Variants in PITPNC1 observed in about 807,000 individuals in gnomAD.
The protein encoded by PITPNC1 is phosphatidylinositol transfer protein cytoplasmic 1.
In PITPNC1, 18 loss-of-function variants were observed where a neutral mutation model predicts 44.7. That is an observed-to-expected ratio of 0.40 (90% CI 0.28 to 0.60). PITPNC1 has a LOEUF of 0.60. Among genes scored for constraint, PITPNC1 ranks in the 20% least tolerant of loss-of-function variants. The pLI is 0.39. For synonymous variants in PITPNC1, 141 were observed against 149.6 expected (o/e 0.94, Z 0.42); for missense variants, 290 against 418.4 (o/e 0.69, Z 2.68).
intron 1 of PITPNC1, among the ~76,000 whole-genome samples, chr17:67,528,531 T>G (rs927782692): frequency 2.6e-5 from 4 of 152,228 alleles, no homozygotes; most frequent in African/African-American, 4.8e-5. Context: ...CATACAAGTT[T>G]GTTTGGAGCT....
At chr17:67,552,716 A>ACTAAACC (rs931027123) in intron 3 of PITPNC1, among the ~76,000 whole-genome samples, 1 of 151,714 alleles carries the variant, frequency 6.6e-6, no homozygotes, top group African/African-American at 2.4e-5. Flanking sequence ...CCCCGTCTCT[A>ACTAAACC]CTAAAAATAC....
intron 5 of PITPNC1, among the ~76,000 whole-genome samples, chr17:67,595,967 A>T (rs541027226): frequency 1.1e-3 from 160 of 152,360 alleles, no homozygotes; most frequent in African/African-American, 3.7e-3. Context: ...GATGTTGAAA[A>T]GCATCAGCAA....
intron 1 of PITPNC1, among the ~76,000 whole-genome samples, chr17:67,385,303 C>T (rs1206748367): frequency 6.6e-6 from 1 of 152,092 alleles, no homozygotes; most frequent in Non-Finnish European, 1.5e-5. Flanking sequence ...CAGCACTCTG[C>T]AAAAACGCAC....
chr17:67,665,526 C>A (rs528999552), intron 6 of PITPNC1, among the ~76,000 whole-genome samples: 27 of 152,286 alleles, frequency 1.8e-4, no homozygotes, highest in African/African-American at 6.5e-4. Flanking sequence ...AAAGTGGCCA[C>A]ACTATTTATA....
chr17:67,520,532 T>TGC (rs2040311722), intron 1 of PITPNC1, among the ~76,000 whole-genome samples: 1 of 152,226 alleles, frequency 6.6e-6, no homozygotes, highest in Admixed American at 6.5e-5. Context: ...GTCTTCTGTC[T>TGC]TCAAGGCAGA....
chr17:67,664,472 G>GT lies in PITPNC1; in HGVS notation c.463-5030dup, dbSNP rs1366221366. On this transcript the variant is annotated intron_variant, in intron 6 of 8. Coordinates refer to ENST00000581322, the MANE Select transcript of PITPNC1 (RefSeq NM_012417.4). ...CTCCACGGCCTCACCAGCATCTATT[G>GT]TTTTTTGACTTTTTAATGATAGCCA... is the stretch of plus-strand genomic sequence containing the variant. Among the ~76,000 whole-genome samples, 17 of 152,126 alleles carry GT rather than the reference G, an allele frequency of 1.1e-4. No individual in the cohort carries two copies. In the East Asian group the frequency reaches 1.9e-3, roughly 17 times the overall value.
chr17:67,580,649 A>T (rs77313458), intron 5 of PITPNC1, among the ~76,000 whole-genome samples: 2,863 of 152,170 alleles, frequency 0.019, 79 homozygotes, highest in African/African-American at 0.065. Context: ...CTGGAAAAAA[A>T]TTTTTTAAAT....
At chr17:67,434,120 A>G (rs2038898498) in intron 1 of PITPNC1, among the ~76,000 whole-genome samples, 2 of 152,088 alleles carry the variant, frequency 1.3e-5, no homozygotes, top group South Asian at 4.1e-4. Flanking sequence ...AGGCTTGATT[A>G]TAGATGTTAG....
chr17:67,612,459 T>C (rs1394639092), intron 5 of PITPNC1: 3 of 152,362 alleles, frequency 2.0e-5, no homozygotes, highest in African/African-American at 7.2e-5. Context: ...ACACCTAACG[T>C]CCTCACTTCC....
At chr17:67,477,008 G>A (rs17654315) in intron 1 of PITPNC1, among the ~76,000 whole-genome samples, 7,405 of 152,244 alleles carry the variant, frequency 0.049, 246 homozygotes, top group Middle Eastern at 0.11. Context: ...TGTGCATGGC[G>A]AAGTTTGGAA....
intron 5 of PITPNC1, among the ~76,000 whole-genome samples, chr17:67,617,487 G>C (rs1291468145): frequency 6.6e-6 from 1 of 152,206 alleles, no homozygotes; most frequent in Admixed American, 6.5e-5. Flanking sequence ...CTGGGTGACA[G>C]AGCAAGACTC....
At chr17:67,651,856 C>A (rs549660358) in intron 6 of PITPNC1, among the ~76,000 whole-genome samples, 1 of 152,046 alleles carries the variant, frequency 6.6e-6, no homozygotes, top group African/African-American at 2.4e-5. Flanking sequence ...TATGTGTATC[C>A]CTCTTAAGAT....
rs910544366 is a variant in PITPNC1, at chr17:67,552,118, G to A, written c.198-139G>A. ...AGTTAACTATGACAAAGACCGAAGA[G>A]ATGGGGAAAGGGCAGCTGTGGAGAA... On this transcript the variant is annotated intron_variant, in intron 2 of 8. Coordinates refer to ENST00000581322, the MANE Select transcript of PITPNC1 (RefSeq NM_012417.4). 27 of 633,140 alleles carry A rather than the reference G, an allele frequency of 4.3e-5. No individual in the cohort carries two copies. The Admixed American group carries it at 7.0e-4, about 16-fold the overall frequency. 39.2% of individuals were successfully genotyped at this position (633,140 alleles called of 1,614,324 possible). A position where few individuals can be genotyped will look rare whatever the true frequency, so the allele number is the denominator to read the frequency against.
rs2041176158 is a variant in PITPNC1, at chr17:67,578,194, T to C, written c.303T>C (p.Phe101=). 5 of 1,610,664 alleles carry C rather than the reference T, an allele frequency of 3.1e-6. No individual in the cohort carries two copies. In the South Asian group the frequency reaches 5.5e-5, roughly 18 times the overall value. ...PYTITEYTCS[F]LPKFSIHIET... ...TTGCTTTTCTCCCACAGTGTTCCTT[T>C]CTGCCGAAATTCTCCATTCATATAG... The change falls in exon 5 of 9, where the codon TTT becomes TTC. Residue 101 remains phenylalanine (F), a synonymous_variant. Transcript: ENST00000581322.
chr17:67,631,163 T>C (rs2041962250), intron 5 of PITPNC1, among the ~76,000 whole-genome samples: 1 of 150,676 alleles, frequency 6.6e-6, no homozygotes, highest in Non-Finnish European at 1.5e-5. Context: ...CATCTCAGTG[T>C]CTTACCAAGC....
intron 6 of PITPNC1, among the ~76,000 whole-genome samples, chr17:67,648,338 G>A (rs1372967118): frequency 1.3e-5 from 2 of 152,222 alleles, no homozygotes; most frequent in Non-Finnish European, 2.9e-5. Context: ...TTCGTCTAAA[G>A]AGCACTGCTA....
chr17:67,496,135 T>C (rs1237774497), intron 1 of PITPNC1, among the ~76,000 whole-genome samples: 2 of 152,182 alleles, frequency 1.3e-5, no homozygotes, highest in African/African-American at 2.4e-5. Context: ...CTACCAAGCA[T>C]AGTACTTGAC....
rs1221185908 is a variant in PITPNC1 at position 67,695,893 on chromosome 17, A to C, written c.*3005A>C. 1 of 152,166 alleles carries C rather than the reference A, an allele frequency of 6.6e-6. No homozygotes were observed. The highest frequency in any genetic ancestry group is 2.4e-5 in the African/African-American group (1 of 41,440). The allele number at this position is 152,166 out of a possible 1,614,324, so 9.4% of individuals were successfully genotyped here. On this transcript the variant is annotated 3_prime_UTR_variant, in exon 9 of 9. Transcript: ENST00000581322. ...GGGATGAGAAGATCTTGGTGTATTT[A>C]ACACATAAGCTTTGTTAGAAATCAC...
intron 5 of PITPNC1, among the ~76,000 whole-genome samples, chr17:67,603,656 G>A (rs1337813964): frequency 2.0e-5 from 3 of 152,128 alleles, no homozygotes; most frequent in Non-Finnish European, 4.4e-5. Context: ...AGAGCCAGGC[G>A]CGGTGGCTCA....
Sources: allele counts gnomAD v4.1 joint callset (sites outside exome capture counted in the v4.1 genomes callset), GRCh38; gene constraint gnomAD v4.1.1; transcripts MANE v1.5; gene names NCBI Gene and HGNC (gene_info 2026-07-23, HGNC 2026-07-21).